Variants in TENM2 observed in about 807,000 individuals in gnomAD.
TENM2 encodes the protein teneurin transmembrane protein 2.
A neutral mutation model predicts 245.2 loss-of-function variants in TENM2; 52 were observed. The observed-to-expected ratio is 0.21, with a 90% CI of 0.17 to 0.27. The LOEUF is 0.27. TENM2 is among the 10% of genes least tolerant of loss of function. TENM2 has a pLI of 1.00. For synonymous variants in TENM2, 1,363 were observed against 1,438.9 expected (o/e 0.95, Z 1.19); for missense variants, 3,046 against 3,666.8 (o/e 0.83, Z 4.37).
intron 7 of TENM2, among the ~76,000 whole-genome samples, chr5:168,078,250 C>G (rs1156342401): frequency 5.3e-5 from 8 of 152,082 alleles, no homozygotes; most frequent in Admixed American, 3.9e-4. Context: ...CTGTTCATAT[C>G]CTTTGCCCAC....
At chr5:167,144,436 G>A in the TENM2 span, among the ~76,000 whole-genome samples, 2 of 152,166 alleles carry the variant, frequency 1.3e-5, no homozygotes, top group East Asian at 1.9e-4. Context: ...GTTTTCTTAA[G>A]TTAAATTTCT....
intron 2 of TENM2, among the ~76,000 whole-genome samples, chr5:167,797,634 C>CA (rs1056395490): frequency 6.6e-6 from 1 of 151,900 alleles, no homozygotes; most frequent in South Asian, 2.1e-4. Flanking sequence ...TTTCTGAGGA[C>CA]AAAAAAATAT....
chr5:168,016,655 C>A (rs1446623627), intron 5 of TENM2, among the ~76,000 whole-genome samples: 1 of 152,136 alleles, frequency 6.6e-6, no homozygotes, highest in African/African-American at 2.4e-5. Context: ...GCAGTGAAAT[C>A]ATAATCCCCA....
intron 2 of TENM2, among the ~76,000 whole-genome samples, chr5:167,838,349 G>A (rs527307977): frequency 1.1e-4 from 16 of 152,312 alleles, no homozygotes; most frequent in Admixed American, 8.5e-4. Context: ...CCAAAGCTGA[G>A]ATATTTGTCC....
chr5:168,034,548 T>C (rs1218946923), intron 5 of TENM2, among the ~76,000 whole-genome samples: 3 of 151,454 alleles, frequency 2.0e-5, no homozygotes, highest in Non-Finnish European at 4.4e-5. Context: ...CCTGGCAACA[T>C]AGTGAGACCC....
chr5:167,507,368 C>A (rs1769626479), intron 2 of TENM2, among the ~76,000 whole-genome samples: 1 of 152,036 alleles, frequency 6.6e-6, no homozygotes, highest in African/African-American at 2.4e-5. Context: ...AGTGTTTTGT[C>A]AATATCAAAG....
At chr5:167,361,806 A>G (rs1417483580) in intron 1 of TENM2, among the ~76,000 whole-genome samples, 1 of 152,186 alleles carries the variant, frequency 6.6e-6, no homozygotes, top group Non-Finnish European at 1.5e-5. Context: ...TTAAGTGTTG[A>G]TAGTAATGGT....
chr5:167,264,509 T>C, the TENM2 span, among the ~76,000 whole-genome samples: 1 of 152,212 alleles, frequency 6.6e-6, no homozygotes, highest in East Asian at 1.9e-4. Flanking sequence ...TCCTAAATTC[T>C]GGGCTGTTTT....
intron 4 of TENM2, among the ~76,000 whole-genome samples, chr5:167,970,377 C>T (rs1781687297): frequency 6.6e-6 from 1 of 152,098 alleles, no homozygotes; most frequent in African/African-American, 2.4e-5. Flanking sequence ...GCTTGGATTC[C>T]ACATTTTCTA....
At chr5:168,116,740 A>G (rs1356287040) in intron 9 of TENM2, among the ~76,000 whole-genome samples, 5 of 152,230 alleles carry the variant, frequency 3.3e-5, no homozygotes, top group Non-Finnish European at 5.9e-5. Flanking sequence ...TAAAAACTAC[A>G]TAGAAACATG....
the TENM2 span, among the ~76,000 whole-genome samples, chr5:167,103,439 G>T: frequency 2.5e-3 from 382 of 152,302 alleles, no homozygotes; most frequent in African/African-American, 8.7e-3. Context: ...ACTATGAAAA[G>T]CTGTAAATAT....
chr5:167,749,567 G>T (rs563029188), intron 2 of TENM2, among the ~76,000 whole-genome samples: 1 of 151,928 alleles, frequency 6.6e-6, no homozygotes, highest in East Asian at 1.9e-4. Flanking sequence ...GAAACCGGAA[G>T]GCAGAGGTTG....
At chr5:167,708,321 C>G (rs1758677209) in intron 2 of TENM2, among the ~76,000 whole-genome samples, 1 of 151,808 alleles carries the variant, frequency 6.6e-6, no homozygotes, top group African/African-American at 2.4e-5. Flanking sequence ...TTATCAAAAT[C>G]ATATATGCAC....
the TENM2 span, among the ~76,000 whole-genome samples, chr5:167,175,783 C>T: frequency 1.3e-5 from 2 of 152,218 alleles, no homozygotes; most frequent in Non-Finnish European, 2.9e-5. Context: ...AATCTCGGCT[C>T]ACTGCAACCT....
the TENM2 span, among the ~76,000 whole-genome samples, chr5:167,245,448 T>G: frequency 2.0e-5 from 3 of 151,660 alleles, no homozygotes; most frequent in Admixed American, 6.6e-5. Flanking sequence ...GGATGACAAC[T>G]TCAAAGTGTA....
chr5:167,077,024 C>T, the TENM2 span, among the ~76,000 whole-genome samples: 1 of 152,134 alleles, frequency 6.6e-6, no homozygotes, highest in Non-Finnish European at 1.5e-5. Flanking sequence ...CAGAGTTTCA[C>T]TATGTTGGCC....
the TENM2 span, among the ~76,000 whole-genome samples, chr5:167,116,131 C>T: frequency 6.6e-6 from 1 of 152,134 alleles, no homozygotes; most frequent in Non-Finnish European, 1.5e-5. Flanking sequence ...TGGGATTGTA[C>T]ATGCAAGAGA....
intron 2 of TENM2, among the ~76,000 whole-genome samples, chr5:167,388,255 T>C (rs942547236): frequency 2.0e-5 from 3 of 152,128 alleles, no homozygotes; most frequent in Admixed American, 6.5e-5. Flanking sequence ...GGTTGTACCA[T>C]TCCAGGAATT....
intron 7 of TENM2, among the ~76,000 whole-genome samples, chr5:168,075,130 C>G (rs958427523): frequency 1.3e-5 from 2 of 152,146 alleles, no homozygotes; most frequent in Non-Finnish European, 2.9e-5. Context: ...TTGTATCATT[C>G]TTATGCCTTT....
Sources: allele counts gnomAD v4.1 joint callset (sites outside exome capture counted in the v4.1 genomes callset), GRCh38; gene constraint gnomAD v4.1.1; transcripts MANE v1.5; gene names NCBI Gene and HGNC (gene_info 2026-07-23, HGNC 2026-07-21).